The following FHIT variants were observed in gnomAD, a reference collection of about 807,000 sequenced individuals.
FHIT encodes the protein bis(5'-adenosyl)-triphosphatase.
A neutral mutation model predicts 17.9 loss-of-function variants in FHIT; 19 were observed. That is an observed-to-expected ratio of 1.06 (90% confidence interval 0.74 to 1.56). FHIT has a LOEUF of 1.56. Ranked by LOEUF, FHIT falls within the 40% of genes most tolerant of loss-of-function variation. The probability of loss-of-function intolerance (pLI) is 0.00; values close to 1 mark genes in which losing one functional copy is unlikely to be tolerated. For missense variants in FHIT, 248 were observed against 189.2 expected, an observed-to-expected ratio of 1.31 and a Z score of -1.82; for synonymous variants, 81 against 69.7, an observed-to-expected ratio of 1.16 and a Z score of -0.81.
intron 5 of FHIT, among the ~76,000 whole-genome samples, chr3:60,530,350 T>G (rs2035730727): frequency 6.6e-6 from 1 of 152,210 alleles, no homozygotes; most frequent in African/African-American, 2.4e-5. Flanking sequence ...GTATGTCACC[T>G]TCATTTTGAA....
intron 3 of FHIT, among the ~76,000 whole-genome samples, chr3:60,990,424 T>G (rs898427532): frequency 2.0e-5 from 3 of 152,170 alleles, no homozygotes; most frequent in Non-Finnish European, 4.4e-5. Flanking sequence ...GCTTGTCATG[T>G]TAGAATGGGG....
chr3:60,372,356 A>G (rs771857658), intron 5 of FHIT, among the ~76,000 whole-genome samples: 20 of 152,162 alleles, frequency 1.3e-4, no homozygotes, highest in Non-Finnish European at 2.4e-4. Context: ...TTAACATTCT[A>G]TAGGACATCA....
chr3:59,833,985 A>G (rs1485157800), intron 8 of FHIT, among the ~76,000 whole-genome samples: 1 of 152,208 alleles, frequency 6.6e-6, no homozygotes, highest in Non-Finnish European at 1.5e-5. Flanking sequence ...GCCATGAGGA[A>G]TGGTGAGTCC....
At chr3:59,830,979 G>A (rs1701144240) in intron 8 of FHIT, among the ~76,000 whole-genome samples, 1 of 152,104 alleles carries the variant, frequency 6.6e-6, no homozygotes, top group Non-Finnish European at 1.5e-5. Context: ...AGGCATTCTG[G>A]TCCCAAAGAA....
intron 5 of FHIT, among the ~76,000 whole-genome samples, chr3:60,133,125 TGGAACATCTTTCAC>T (rs1250326229): frequency 6.6e-6 from 1 of 151,966 alleles, no homozygotes; most frequent in African/African-American, 2.4e-5. Flanking sequence ...ATGATTGAGA[TGGAACATCTTTCAC>T]GGCTCTTAAA....
At chr3:60,998,557 C>A (rs1384724981) in intron 3 of FHIT, among the ~76,000 whole-genome samples, 1 of 152,024 alleles carries the variant, frequency 6.6e-6, no homozygotes, top group Non-Finnish European at 1.5e-5. Context: ...TAATTTGAAC[C>A]ATAGTGCCAT....
At chr3:60,315,096 G>C (rs148815521) in intron 5 of FHIT, among the ~76,000 whole-genome samples, 2 of 152,072 alleles carry the variant, frequency 1.3e-5, no homozygotes, top group African/African-American at 4.8e-5. Flanking sequence ...AGCATGTGGC[G>C]AGAGAAAGGG....
At chr3:59,805,186 T>A (rs1700149300) in intron 8 of FHIT, among the ~76,000 whole-genome samples, 1 of 152,166 alleles carries the variant, frequency 6.6e-6, no homozygotes, top group Non-Finnish European at 1.5e-5. Flanking sequence ...CCTTCAGAGC[T>A]TGTGAAGACA....
chr3:61,242,871 A>G (rs1352761438), intron 1 of FHIT, among the ~76,000 whole-genome samples: 1 of 152,154 alleles, frequency 6.6e-6, no homozygotes, highest in Non-Finnish European at 1.5e-5. Context: ...CATCTAGTGC[A>G]AGGTTGGAAA....
intron 5 of FHIT, among the ~76,000 whole-genome samples, chr3:60,050,261 G>C (rs1400361275): frequency 6.6e-6 from 1 of 151,970 alleles, no homozygotes. Flanking sequence ...TTTTCCCATA[G>C]TTTATTTCAT....
chr3:59,869,973 G>C (rs954776493), intron 8 of FHIT, among the ~76,000 whole-genome samples: 1 of 151,914 alleles, frequency 6.6e-6, no homozygotes, highest in Non-Finnish European at 1.5e-5. Context: ...GCTACTTATT[G>C]AGTGCTGACT....
chr3:61,150,953 T>G (rs1325484460), intron 2 of FHIT, among the ~76,000 whole-genome samples: 1 of 152,266 alleles, frequency 6.6e-6, no homozygotes, highest in African/African-American at 2.4e-5. Flanking sequence ...GAAAGCATTT[T>G]TTTTATATTT....
Position 61,124,511 on chromosome 3 carries a change from G to A in FHIT, c.-164+76106C>T, listed in dbSNP as rs558034664. On this transcript the variant is annotated intron_variant, in intron 2 of 9. Transcript: ENST00000492590. ...TTAATACATATTCTCATGGTGGCTG[G>A]TTTCAGGCTACCAACATGATATCAC... 9.9e-5 allele frequency among the ~76,000 whole-genome samples: 15 copies of A among 152,178 alleles called. No individual in the cohort carries two copies. The East Asian group carries it at 1.5e-3, about 16-fold the overall frequency.
chr3:59,883,528 A>G (rs1703492891), intron 8 of FHIT, among the ~76,000 whole-genome samples: 1 of 152,202 alleles, frequency 6.6e-6, no homozygotes, highest in Non-Finnish European at 1.5e-5. Context: ...GGTATGGGGG[A>G]AACTGCCCCC....
intron 5 of FHIT, among the ~76,000 whole-genome samples, chr3:60,512,092 T>C (rs1454279522): frequency 6.6e-6 from 1 of 152,140 alleles, no homozygotes; most frequent in Admixed American, 6.5e-5. Context: ...TCCCATATTA[T>C]AAATGACTCA....
Position 60,080,048 on chromosome 3 carries a change from G to A in FHIT, c.104-65896C>T, listed in dbSNP as rs58455872. On this transcript the variant is annotated intron_variant, in intron 5 of 9. Coordinates refer to ENST00000492590, the MANE Select transcript of FHIT (RefSeq NM_002012.4). ...TCAATCTGGGTTAATTTACAAATAA[G>A]TAATTTTGAAAGGAGAAAAAAATAT... 8.9e-4 allele frequency among the ~76,000 whole-genome samples: 136 copies of A among 152,084 alleles called. 2 individuals are homozygous for A. In the East Asian group the frequency reaches 0.022, roughly 25 times the overall value.
At chr3:60,546,459 C>T (rs2036368160) in intron 4 of FHIT, among the ~76,000 whole-genome samples, 2 of 152,132 alleles carry the variant, frequency 1.3e-5, no homozygotes, top group African/African-American at 4.8e-5. Context: ...TTCGTCATGT[C>T]CTAACTTTTA....
At chr3:60,628,666 G>A (rs760296473) in intron 4 of FHIT, among the ~76,000 whole-genome samples, 6 of 152,084 alleles carry the variant, frequency 3.9e-5, no homozygotes, top group Non-Finnish European at 8.8e-5. Flanking sequence ...CTAGGTAATC[G>A]ATGGGTTAGC....
chr3:60,774,126 T>A (rs1291721365), intron 4 of FHIT, among the ~76,000 whole-genome samples: 2 of 152,198 alleles, frequency 1.3e-5, no homozygotes, highest in Admixed American at 1.3e-4. Context: ...TTCACATGCC[T>A]TATTCCATTT....
Sources: allele counts gnomAD v4.1 joint callset (sites outside exome capture counted in the v4.1 genomes callset), GRCh38; gene constraint gnomAD v4.1.1; transcripts MANE v1.5; gene names NCBI Gene and HGNC (gene_info 2026-07-23, HGNC 2026-07-21).